The following DYNC1LI2 variants were observed in gnomAD, a reference collection of about 807,000 sequenced individuals.
The protein encoded by DYNC1LI2 is cytoplasmic dynein 1 light intermediate chain 2.
Under a neutral mutation model 57.8 loss-of-function variants are expected in DYNC1LI2, and 19 were observed. That is an observed-to-expected ratio of 0.33 (90% CI 0.23 to 0.48). DYNC1LI2 has a LOEUF of 0.48. DYNC1LI2 is among the 20% of genes least tolerant of loss of function. The pLI, the probability that DYNC1LI2 is intolerant of heterozygous loss-of-function variation, is 0.99. For missense variants in DYNC1LI2, 470 were observed against 604.2 expected, an observed-to-expected ratio of 0.78 and a Z score of 2.33; for synonymous variants, 256 against 233.4, an observed-to-expected ratio of 1.10 and a Z score of -0.88.
At chr16:66,738,403 A>G (rs1007438383) in intron 4 of DYNC1LI2, 3 of 151,636 alleles carry the variant, frequency 2.0e-5, no homozygotes, top group Non-Finnish European at 4.4e-5. Flanking sequence ...ACCTACCACC[A>G]TGCCCGGCTA....
rs200872939 is a variant in DYNC1LI2 at position 66,730,174 on chromosome 16, A to G, written c.979T>C (p.Phe327Leu). The change falls in exon 8 of 13, where the codon TTT becomes CTT. Residue 327 changes from phenylalanine to leucine, a missense_variant. Phe to Leu is a conservative substitution (Grantham distance 22). Transcript: ENST00000258198. ...GCATCTTCCGGCTTCACGGTTGTAA[A>G]ATTTTCATGTAAAATAGCTATTTTC... ...EKKIAILHEN[F>L]TTVKPEDAYE... 160 of 1,613,812 alleles carry G rather than the reference A, an allele frequency of 9.9e-5. No homozygotes were observed. Among genetic ancestry groups the G allele is most frequent in the Non-Finnish European group, 1.2e-4 (142 of 1,180,000 alleles).
chr16:66,746,317 A>G (rs1326729221), intron 3 of DYNC1LI2, among the ~76,000 whole-genome samples: 2 of 152,198 alleles, frequency 1.3e-5, no homozygotes, highest in African/African-American at 4.8e-5. Context: ...GTCCTTTGAC[A>G]TGTCACATCC....
intron 11 of DYNC1LI2, 73 bp from the exon 12 acceptor site, chr16:66,726,017 G>A (rs1165680575): frequency 2.6e-6 from 4 of 1,510,466 alleles, no homozygotes; most frequent in Non-Finnish European, 3.6e-6. Context: ...CTAGTTCTCA[G>A]CTTGGCATTA....
At chr16:66,745,670 G>A (rs2017922598) in intron 3 of DYNC1LI2, among the ~76,000 whole-genome samples, 1 of 151,718 alleles carries the variant, frequency 6.6e-6, no homozygotes, top group Non-Finnish European at 1.5e-5. Flanking sequence ...TTGGGAGTCT[G>A]AGGCGGGTGG....
At chr16:66,738,846 G>A (rs2017784958) in intron 4 of DYNC1LI2, 1 of 151,120 alleles carries the variant, frequency 6.6e-6, no homozygotes, top group African/African-American at 2.4e-5. Context: ...TTGCACTCTA[G>A]GCTGGGTGAC....
intron 4 of DYNC1LI2, among the ~76,000 whole-genome samples, chr16:66,737,043 C>T (rs901990163): frequency 4.6e-5 from 7 of 151,994 alleles, no homozygotes; most frequent in Non-Finnish European, 8.8e-5. Flanking sequence ...GAGGCCAGGG[C>T]GGGTGGTTCA....
chr16:66,734,997 C>CAAAAAAAAAAAAAAA (rs377398071), intron 5 of DYNC1LI2, among the ~76,000 whole-genome samples: 1 of 38,570 alleles, frequency 2.6e-5, no homozygotes, highest in African/African-American at 1.2e-4. Context: ...AACTCCGTCT[C>CAAAAAAAAAAAAAAA]AAAAAAAAAA....
At chr16:66,735,995 C>T (rs1487141734) in intron 5 of DYNC1LI2, 80 bp downstream of exon 5, 6 of 1,527,080 alleles carry the variant, frequency 3.9e-6, no homozygotes, top group South Asian at 2.4e-5. Flanking sequence ...GGGAAAAAAA[C>T]GTCAACAGTT....
At chr16:66,743,477 C>T (rs1421382806) in intron 3 of DYNC1LI2, among the ~76,000 whole-genome samples, 1 of 146,604 alleles carries the variant, frequency 6.8e-6, no homozygotes, top group Non-Finnish European at 1.5e-5. Flanking sequence ...AGGAGAATCA[C>T]TTGAACCCGG....
chr16:66,734,940 T>C, intron 5 of DYNC1LI2, among the ~76,000 whole-genome samples: 1 of 115,998 alleles, frequency 8.6e-6, no homozygotes, highest in African/African-American at 3.5e-5. Flanking sequence ...GAGGTTGCAG[T>C]GAGCCGAGAT....
intron 4 of DYNC1LI2, among the ~76,000 whole-genome samples, chr16:66,742,016 T>G (rs2017847900): frequency 6.6e-6 from 1 of 151,842 alleles, no homozygotes; most frequent in Admixed American, 6.6e-5. Context: ...CCTCTAAGCC[T>G]GCCAACACGA....
chr16:66,733,968 C>T, intron 6 of DYNC1LI2: 1 of 417,904 alleles, frequency 2.4e-6, no homozygotes. Context: ...TGAGACTAGC[C>T]TGGCCAAAGT....
intron 7 of DYNC1LI2, chr16:66,730,494 G>C (rs2017616817): frequency 3.2e-6 from 1 of 308,528 alleles, no homozygotes; most frequent in East Asian, 6.7e-5. Context: ...CCACTCAAAA[G>C]CATTTAGCAC....
At chr16:66,739,407 A>G (rs1345852502) in intron 4 of DYNC1LI2, 1 of 152,228 alleles carries the variant, frequency 6.6e-6, no homozygotes, top group Non-Finnish European at 1.5e-5. Flanking sequence ...ACAATAGGAA[A>G]TTCACATTTT....
chr16:66,723,846 A>T (rs758071528), intron 12 of DYNC1LI2, 24 bp from the exon 13 acceptor site: 2 of 1,568,038 alleles, frequency 1.3e-6, no homozygotes, highest in Non-Finnish European at 1.7e-6. Flanking sequence ...AAAGCAAAAA[A>T]GCAAAGTAAT....
At chr16:66,746,139 A>G (rs1029851385) in intron 3 of DYNC1LI2, among the ~76,000 whole-genome samples, 6 of 152,192 alleles carry the variant, frequency 3.9e-5, no homozygotes, top group Non-Finnish European at 8.8e-5. Flanking sequence ...GTCCTCAAAA[A>G]TACTACTCTG....
rs1351065118 is a variant in DYNC1LI2 at position 66,722,551 on chromosome 16, AC to A, written c.*1170del. On this transcript the variant is annotated 3_prime_UTR_variant, in exon 13 of 13. Coordinates refer to ENST00000258198, the MANE Select transcript of DYNC1LI2 (RefSeq NM_006141.3). ...AAAAAATGCTACATTTTATGAAAAC[AC>A]CTAACAAGAGAAATGTATCATTTCC... The A allele has an allele frequency of 6.6e-6, 1 of 152,620 alleles. No individual in the cohort carries two copies. Among genetic ancestry groups the A allele is most frequent in the Non-Finnish European group, 1.5e-5 (1 of 68,044 alleles). 9.5% of individuals were successfully genotyped at this position (152,620 alleles called of 1,614,324 possible). A position where few individuals can be genotyped will look rare whatever the true frequency, so the allele number is the denominator to read the frequency against.
At chr16:66,737,249 C>T (rs1316228418) in intron 4 of DYNC1LI2, among the ~76,000 whole-genome samples, 2 of 152,048 alleles carry the variant, frequency 1.3e-5, no homozygotes, top group African/African-American at 4.8e-5. Context: ...GTACTCCAGT[C>T]TGGGCAACAG....
Position 66,729,062 on chromosome 16 carries a change from T to TG in DYNC1LI2, c.1078dup (p.Gln360ProfsTer23). On this transcript the variant is annotated frameshift_variant, in exon 9 of 13. Transcript: ENST00000258198. LOFTEE classifies it high-confidence loss of function. ...TACCTGTTGCTTCATTAGGAACACC[T>TG]GCTCATCTTCTGCTGCCAACTCTTT... 1 of 1,614,228 alleles carries TG rather than the reference T, an allele frequency of 6.2e-7. No homozygotes were observed. Among genetic ancestry groups the TG allele is most frequent in the Non-Finnish European group, 8.5e-7 (1 of 1,180,046 alleles).
Sources: gnomAD v4.1 joint callset for allele counts (sites outside exome capture counted in the v4.1 genomes callset) on GRCh38, gnomAD v4.1.1 for gene constraint, MANE v1.5 for transcripts, NCBI Gene and HGNC (gene_info 2026-07-23, HGNC 2026-07-21) for gene names.